The following KAZN variants were observed in gnomAD, a reference collection of about 807,000 sequenced individuals.
KAZN encodes kazrin, periplakin interacting protein, also known as kazrin.
A neutral mutation model predicts 87.4 loss-of-function variants in KAZN; 40 were observed. The observed-to-expected ratio is 0.46, with a 90% CI of 0.36 to 0.60. The LOEUF is 0.60. KAZN is among the 20% of genes least tolerant of loss of function. The probability of loss-of-function intolerance (pLI) is 0.00; values close to 1 mark genes in which losing one functional copy is unlikely to be tolerated. For missense variants in KAZN, 898 were observed against 1,073.9 expected, an observed-to-expected ratio of 0.84 and a Z score of 2.29; for synonymous variants, 466 against 458.3, an observed-to-expected ratio of 1.02 and a Z score of -0.22.
In KAZN at chr1:14,113,837, C is replaced by T. The variant is rs148716820; in HGVS notation, c.92-66598C>T. On this transcript the variant is annotated intron_variant, in intron 1 of 16. Transcript: ENST00000636203. ...GACATTATTTATGCCAAGGGCTTTGCATGGTGGAAACTCTTGAACAACAGT... is the reference window on the plus strand; with the variant it reads ...GACATTATTTATGCCAAGGGCTTTGTATGGTGGAAACTCTTGAACAACAGT... 3.6e-3 allele frequency among the ~76,000 whole-genome samples: 550 copies of T among 152,318 alleles called. 6 individuals are homozygous for T. Among genetic ancestry groups the T allele is most frequent in the African/African-American group, 0.012 (511 of 41,564 alleles).
intron 1 of KAZN, among the ~76,000 whole-genome samples, chr1:14,833,541 G>A (rs1647115295): frequency 6.6e-6 from 1 of 152,190 alleles, no homozygotes; most frequent in Non-Finnish European, 1.5e-5. Context: ...ATCCCGCCAA[G>A]GGGCAGGGAA....
intron 2 of KAZN, among the ~76,000 whole-genome samples, chr1:14,491,497 C>T (rs569861273): frequency 1.3e-5 from 2 of 152,296 alleles, no homozygotes; most frequent in African/African-American, 2.4e-5. Context: ...ATTCCCCTCC[C>T]TGTGTCCATG....
intron 2 of KAZN, among the ~76,000 whole-genome samples, chr1:14,275,756 A>C (rs1032304154): frequency 6.6e-6 from 1 of 152,182 alleles, no homozygotes; most frequent in Non-Finnish European, 1.5e-5. Context: ...TACCATGAGC[A>C]TTCTTGAATA....
intron 1 of KAZN, among the ~76,000 whole-genome samples, chr1:14,880,913 G>T (rs776889704): frequency 2.0e-5 from 3 of 152,206 alleles, no homozygotes; most frequent in Admixed American, 6.5e-5. Context: ...TATACCAGTT[G>T]CTAGGCTCGT....
rs141976029 is a variant in KAZN, at chr1:14,208,344, T to C, written c.249+27752T>C. Among the ~76,000 whole-genome samples, 5 of 152,348 alleles carry C rather than the reference T, an allele frequency of 3.3e-5. No individual in the cohort carries two copies. The East Asian group carries it at 9.6e-4, about 29-fold the overall frequency. ...TCAATAGTAAAGGTTATATAAAAAA[T>C]AGCTCTTTAAAATTATCAAGGTAGT... is the stretch of plus-strand genomic sequence containing the variant. On this transcript the variant is annotated intron_variant, in intron 2 of 16. Coordinates refer to the KAZN transcript ENST00000636203.
At chr1:14,361,094 G>A (rs531450472) in intron 2 of KAZN, among the ~76,000 whole-genome samples, 80 of 152,316 alleles carry the variant, frequency 5.3e-4, no homozygotes, top group African/African-American at 1.8e-3. Context: ...CTATAGGCCC[G>A]ACTGGGGCTG....
chr1:14,987,548 G>T (rs1202315561), intron 2 of KAZN, among the ~76,000 whole-genome samples: 4 of 152,150 alleles, frequency 2.6e-5, no homozygotes, highest in African/African-American at 9.7e-5. Context: ...AAGACTGAAG[G>T]GAAGGAGGCC....
chr1:15,052,638 G>A (rs115049332), intron 4 of KAZN, among the ~76,000 whole-genome samples: 5 of 152,240 alleles, frequency 3.3e-5, no homozygotes, highest in East Asian at 3.9e-4. Flanking sequence ...GTGTGGATAC[G>A]TGGGTGTGAA....
At chr1:13,907,085 C>T (rs74864201) in intron 1 of KAZN, among the ~76,000 whole-genome samples, 2 of 152,144 alleles carry the variant, frequency 1.3e-5, no homozygotes, top group African/African-American at 4.8e-5. Flanking sequence ...ATTTTTGTTC[C>T]TGCCTCTTTT....
chr1:14,110,587 G>C (rs1302431095), intron 1 of KAZN, among the ~76,000 whole-genome samples: 5 of 78,112 alleles, frequency 6.4e-5, no homozygotes, highest in Admixed American at 2.4e-4. Context: ...GGTTTTATTT[G>C]CATGACTTGG....
chr1:15,044,270 G>GGGGCC, intron 4 of KAZN, 111 bp downstream of exon 4: 1 of 413,326 alleles, frequency 2.4e-6, no homozygotes, highest in East Asian at 9.1e-5. Context: ...GGTGGGTGGG[G>GGGGCC]CAGAGCAGAA....
chr1:14,339,947 C>T (rs538485672), intron 2 of KAZN, among the ~76,000 whole-genome samples: 7 of 152,192 alleles, frequency 4.6e-5, no homozygotes, highest in African/African-American at 1.7e-4. Context: ...TGCTACCTAT[C>T]GTCTTACCCT....
chr1:13,924,179 A>G (rs6429804), intron 1 of KAZN, among the ~76,000 whole-genome samples: 71,595 of 151,966 alleles, frequency 0.47, 17,136 homozygotes, highest in African/African-American at 0.54. Context: ...ATCCAAAGAT[A>G]GCTAGAACTG....
chr1:14,984,537 G>T (rs1416910920), intron 2 of KAZN, among the ~76,000 whole-genome samples: 1 of 152,118 alleles, frequency 6.6e-6, no homozygotes, highest in Non-Finnish European at 1.5e-5. Context: ...GTATAAATAT[G>T]CAATTGACAA....
intron 2 of KAZN, among the ~76,000 whole-genome samples, chr1:14,315,876 TTG>T (rs1217781791): frequency 6.6e-6 from 1 of 151,470 alleles, no homozygotes; most frequent in African/African-American, 2.4e-5. Flanking sequence ...GTACAAGTCT[TTG>T]TATGAACATT....
At chr1:14,352,252 AT>A (rs993675825) in intron 2 of KAZN, among the ~76,000 whole-genome samples, 41 of 150,256 alleles carry the variant, frequency 2.7e-4, no homozygotes, top group Middle Eastern at 6.9e-3. Context: ...GATCAGCAGC[AT>A]TTTTTTTTTC....
At chr1:14,775,410 T>C (rs575743555) in intron 1 of KAZN, among the ~76,000 whole-genome samples, 1 of 152,324 alleles carries the variant, frequency 6.6e-6, no homozygotes, top group East Asian at 1.9e-4. Context: ...TCAGGTTTGA[T>C]GAAGACACTG....
intron 1 of KAZN, among the ~76,000 whole-genome samples, chr1:14,602,570 G>A (rs913585557): frequency 6.6e-6 from 1 of 152,164 alleles, no homozygotes; most frequent in African/African-American, 2.4e-5. Context: ...TTTCTAAGCT[G>A]TTTTCCTCAG....
At chr1:14,053,866 A>G (rs532519235) in intron 1 of KAZN, among the ~76,000 whole-genome samples, 1 of 152,300 alleles carries the variant, frequency 6.6e-6, no homozygotes, top group South Asian at 2.1e-4. Flanking sequence ...GTTGATTAAC[A>G]TGTATTTCAC....
Sources: allele counts gnomAD v4.1 joint callset (sites outside exome capture counted in the v4.1 genomes callset), GRCh38; gene constraint gnomAD v4.1.1; transcripts MANE v1.5; gene names NCBI Gene and HGNC (gene_info 2026-07-23, HGNC 2026-07-21).